The following LRRFIP1 variants were observed in gnomAD, a reference collection of about 807,000 sequenced individuals.
The protein encoded by LRRFIP1 is LRR binding FLII interacting protein 1.
LRRFIP1 carries 62 observed loss-of-function variants against 104.4 expected under a neutral mutation model. The ratio of observed to expected loss-of-function variants is 0.59; its 90% CI spans 0.48 to 0.73. The LOEUF (loss-of-function observed/expected upper bound fraction) is 0.73. Among genes scored for constraint, LRRFIP1 ranks in the 30% least tolerant of loss-of-function variants. LRRFIP1 has a pLI of 0.00. For synonymous variants in LRRFIP1, 300 were observed against 299.0 expected, an observed-to-expected ratio of 1.00 and a Z score of -0.03; for missense variants, 796 against 824.5, an observed-to-expected ratio of 0.97 and a Z score of 0.42.
intron 1 of LRRFIP1, among the ~76,000 whole-genome samples, chr2:237,634,425 G>A (rs1360104753): frequency 6.6e-6 from 1 of 152,178 alleles, no homozygotes; most frequent in Non-Finnish European, 1.5e-5. Context: ...AAGAATATGG[G>A]TGCTAGAATC....
intron 1 of LRRFIP1, among the ~76,000 whole-genome samples, chr2:237,638,383 A>G (rs114798959): frequency 0.011 from 1,651 of 152,296 alleles, 30 homozygotes; most frequent in African/African-American, 0.037. Flanking sequence ...AATGCGAGTG[A>G]TAGGGAGTGG....
At chr2:237,669,904 G>A (rs1034442080) in intron 1 of LRRFIP1, among the ~76,000 whole-genome samples, 14 of 152,150 alleles carry the variant, frequency 9.2e-5, no homozygotes, top group African/African-American at 2.9e-4. Context: ...AGCCTCGCAC[G>A]TTGCTTTTGG....
intron 1 of LRRFIP1, among the ~76,000 whole-genome samples, chr2:237,658,952 G>T (rs546719812): frequency 1.8e-4 from 27 of 152,184 alleles, no homozygotes; most frequent in African/African-American, 5.8e-4. Context: ...AAAACTATAT[G>T]GTACTAGCAC....
rs185907341 is a variant in LRRFIP1, at chr2:237,659,611, A to G, written c.96+31871A>G. Among the ~76,000 whole-genome samples, 88 of 148,238 alleles carry G rather than the reference A, an allele frequency of 5.9e-4. 1 individual carries two copies. The highest frequency in any genetic ancestry group is 2.0e-3 in the African/African-American group (83 of 40,902). Reference sequence around the variant, plus strand: ...TATTATATATGTTTATAATATATTTATATAATGTATATTATATATTTTTAT... The same window carrying G: ...TATTATATATGTTTATAATATATTTGTATAATGTATATTATATATTTTTAT... On this transcript the variant is annotated intron_variant, in intron 1 of 23. Transcript: ENST00000308482.
intron 1 of LRRFIP1, among the ~76,000 whole-genome samples, chr2:237,690,496 G>GGA (rs1264638097): frequency 6.6e-6 from 1 of 152,054 alleles, no homozygotes; most frequent in Non-Finnish European, 1.5e-5. Flanking sequence ...CAGCACTTTC[G>GGA]GAGGCCAAGG....
At chr2:237,733,940 G>A (rs534131273) in intron 9 of LRRFIP1, 122 bp downstream of exon 9, 39 of 1,027,934 alleles carry the variant, frequency 3.8e-5, no homozygotes, top group African/African-American at 3.2e-4. Context: ...GCACCTTCAC[G>A]TGGAGCTTAC....
At chr2:237,745,435 G>A (rs765656300) in intron 11 of LRRFIP1, among the ~76,000 whole-genome samples, 19 of 152,134 alleles carry the variant, frequency 1.2e-4, no homozygotes, top group Non-Finnish European at 2.2e-4. Flanking sequence ...TTTTGAGTCC[G>A]TTGTGTTCTT....
chr2:237,727,986 G>A, intron 8 of LRRFIP1, 51 bp downstream of exon 8: 3 of 1,373,284 alleles, frequency 2.2e-6, no homozygotes, highest in Non-Finnish European at 3.0e-6. Context: ...TTGTTTCAAA[G>A]CTTCTAGAAC....
At chr2:237,774,236 A>C in intron 22 of LRRFIP1, 122 bp from the exon 23 acceptor site, 1 of 654,014 alleles carries the variant, frequency 1.5e-6, no homozygotes, top group East Asian at 2.7e-5. Flanking sequence ...AAATGTTATA[A>C]GTATTTACAT....
intron 1 of LRRFIP1, among the ~76,000 whole-genome samples, chr2:237,668,829 A>G (rs1419311287): frequency 2.6e-5 from 4 of 152,228 alleles, no homozygotes; most frequent in South Asian, 2.1e-4. Context: ...CATGTTTATT[A>G]TAGAAAAATA....
intron 15 of LRRFIP1, among the ~76,000 whole-genome samples, chr2:237,753,821 G>C (rs1219876919): frequency 2.1e-4 from 28 of 132,954 alleles, no homozygotes; most frequent in African/African-American, 7.9e-4. Context: ...GGAATGGTAG[G>C]GTGTGTGTGT....
intron 19 of LRRFIP1, among the ~76,000 whole-genome samples, chr2:237,760,464 CTG>C (rs2059742314): frequency 1.3e-5 from 2 of 152,234 alleles, no homozygotes; most frequent in South Asian, 4.1e-4. Flanking sequence ...CCAAGCAAGA[CTG>C]TGAAGGCAAA....
chr2:237,652,955 T>C (rs2086178588), intron 1 of LRRFIP1, among the ~76,000 whole-genome samples: 1 of 152,246 alleles, frequency 6.6e-6, no homozygotes, highest in African/African-American at 2.4e-5. Context: ...GATTTCTCCC[T>C]TTCTGTTCTT....
intron 23 of LRRFIP1, among the ~76,000 whole-genome samples, chr2:237,776,164 T>TG (rs2061079311): frequency 6.6e-6 from 1 of 152,100 alleles, no homozygotes. Context: ...TTCTCCATGT[T>TG]GGCCAGGCTG....
rs1034293886 is a variant in LRRFIP1, at chr2:237,703,112, C to T, written c.97-5432C>T. 6.6e-6 allele frequency among the ~76,000 whole-genome samples: 1 copy of T among 152,108 alleles called. No homozygotes were observed. The highest frequency in any genetic ancestry group is 6.5e-5 in the Admixed American group (1 of 15,280). On this transcript the variant is annotated intron_variant, in intron 1 of 23. Coordinates refer to ENST00000308482, the MANE Select transcript of LRRFIP1 (RefSeq NM_001137550.2). This position sits in a 1 kb window ranked among gnomAD's most constrained non-coding sequence, Gnocchi z 4.3. ...CCTAGCGAGGGCCATGCCAAGAAGC[C>T]GCTGTTCTAATCTAATCAGTGGAGG... is the stretch of plus-strand genomic sequence containing the variant.
intron 1 of LRRFIP1, among the ~76,000 whole-genome samples, chr2:237,667,065 G>T (rs1317328653): frequency 6.6e-6 from 1 of 151,504 alleles, no homozygotes; most frequent in African/African-American, 2.4e-5. Context: ...GAACATGCAG[G>T]TTTGTTACAT....
At chr2:237,683,116 G>A (rs558809796) in intron 1 of LRRFIP1, among the ~76,000 whole-genome samples, 7 of 152,216 alleles carry the variant, frequency 4.6e-5, no homozygotes, top group African/African-American at 7.2e-5. Context: ...AACCCCAAAC[G>A]TCAGGGGACC....
intron 8 of LRRFIP1, among the ~76,000 whole-genome samples, chr2:237,728,763 C>T (rs765113201): frequency 4.6e-5 from 7 of 151,642 alleles, no homozygotes; most frequent in Non-Finnish European, 1.0e-4. Context: ...ATTAAGATAT[C>T]ATGTGTATGC....
chr2:237,760,115 G>A lies in LRRFIP1; in HGVS notation c.1369G>A (p.Asp457Asn), dbSNP rs780318201. 74 of 1,613,570 alleles carry A rather than the reference G, an allele frequency of 4.6e-5. No homozygotes were observed. In the Admixed American group the frequency reaches 7.0e-4, roughly 15 times the overall value. Residue 457 changes from aspartate (D) to asparagine (N), a missense_variant, in exon 19 of 24, where the codon GAC (aspartate) becomes AAC (asparagine). By Grantham distance (23) the Asp-to-Asn change is conservative. Coordinates refer to ENST00000308482, the MANE Select transcript of LRRFIP1 (RefSeq NM_001137550.2). Reference sequence around the variant, plus strand: ...AATAGCTACCAATGGAGAGACTTCCGACACCCTCAATAATGTTGGATACCA... The same window carrying A: ...AATAGCTACCAATGGAGAGACTTCCAACACCCTCAATAATGTTGGATACCA... ...SEIATNGETS[D>N]TLNNVGYQGP...
Sources: gnomAD v4.1 joint callset for allele counts (sites outside exome capture counted in the v4.1 genomes callset) on GRCh38, gnomAD v4.1.1 for gene constraint, Gnocchi (gnomAD v3.1) non-coding constraint, MANE v1.5 for transcripts, NCBI Gene and HGNC (gene_info 2026-07-23, HGNC 2026-07-21) for gene names.